Variants in HMMR observed in about 807,000 individuals in gnomAD.
HMMR encodes the protein hyaluronan mediated motility receptor, also known as intracellular hyaluronic acid-binding protein.
In HMMR, 108 loss-of-function variants were observed where a neutral mutation model predicts 101.0. The ratio of observed to expected loss-of-function variants is 1.07; its 90% CI spans 0.92 to 1.25. The LOEUF (loss-of-function observed/expected upper bound fraction) is 1.25. HMMR is among the 50% of genes most tolerant of loss of function. The pLI is 0.00. For missense variants in HMMR, 813 were observed against 788.7 expected, an observed-to-expected ratio of 1.03 and a Z score of -0.37; for synonymous variants, 296 against 276.4, an observed-to-expected ratio of 1.07 and a Z score of -0.70.
intron 16 of HMMR, among the ~76,000 whole-genome samples, chr5:163,488,897 C>G (rs1759578903): frequency 6.6e-6 from 1 of 152,178 alleles, no homozygotes; most frequent in South Asian, 2.1e-4. Context: ...ACTAACTAGC[C>G]TACTGTTCAG....
At chr5:163,463,415 C>CA (rs1758601881) in intron 1 of HMMR, among the ~76,000 whole-genome samples, 1 of 152,122 alleles carries the variant, frequency 6.6e-6, no homozygotes, top group Non-Finnish European at 1.5e-5. Flanking sequence ...TGATATTAGC[C>CA]AGAGATGGAT....
At chr5:163,466,297 C>G (rs1011661047) in intron 3 of HMMR, among the ~76,000 whole-genome samples, 4 of 151,934 alleles carry the variant, frequency 2.6e-5, no homozygotes, top group Non-Finnish European at 4.4e-5. Flanking sequence ...AAAAGTTGTA[C>G]AAATTAATAG....
chr5:163,490,491 T>C lies in HMMR; in HGVS notation c.2064T>C (p.Pro688=). 6.2e-7 allele frequency: 1 copy of C among 1,604,390 alleles called. No individual in the cohort carries two copies. Among genetic ancestry groups the C allele is most frequent in the East Asian group, 2.2e-5 (1 of 44,772 alleles). ...NKVLGIKHFD[P]SKAFHHESKE... ...TTCTAGGTATCAAACACTTTGATCC[T>C]TCAAAGGCTTTTCATCATGAAAGTA... Residue 688 remains proline (P), a synonymous_variant, in exon 17 of 18, where the codon CCT becomes CCC. Transcript: ENST00000393915.
intron 1 of HMMR, among the ~76,000 whole-genome samples, chr5:163,462,939 T>C (rs1758586927): frequency 6.6e-6 from 1 of 152,124 alleles, no homozygotes. Context: ...CTCTTCCTAT[T>C]TATTTGCATG....
chr5:163,471,099 ATAGG>A (rs1356968970), intron 5 of HMMR, 82 bp from the exon 6 acceptor site: 2 of 799,136 alleles, frequency 2.5e-6, no homozygotes, highest in Non-Finnish European at 4.1e-6. Flanking sequence ...AACCCCAGTG[ATAGG>A]TAGAAAAATC....
rs1322600703 is a variant in HMMR, at chr5:163,465,947, C to A, written c.225+1145C>A. ...CTGTACTCCAGCCTGGGCAACAGAG[C>A]GAGACTCAGTCTCTCCAAAAAAAAA... On this transcript the variant is annotated intron_variant, in intron 3 of 17. Transcript: ENST00000393915. Among the ~76,000 whole-genome samples the A allele has an allele frequency of 3.6e-5, 5 of 140,572 alleles. No individual in the cohort carries two copies. In the Admixed American group the frequency reaches 3.6e-4, roughly 10 times the overall value. 92.2% of individuals were successfully genotyped at this position (140,572 alleles called of 152,430 possible).
intron 11 of HMMR, among the ~76,000 whole-genome samples, chr5:163,477,524 G>A (rs995153076): frequency 6.6e-6 from 1 of 152,032 alleles, no homozygotes; most frequent in African/African-American, 2.4e-5. Flanking sequence ...TTGTAATTAG[G>A]GGTGTTGTTC....
chr5:163,482,526 A>C (rs1442349149), intron 12 of HMMR, 116 bp from the exon 13 acceptor site: 26 of 703,078 alleles, frequency 3.7e-5, no homozygotes, highest in Admixed American at 8.4e-5. Flanking sequence ...AAATGCATGA[A>C]TACATTAAAA....
At chr5:163,467,049 T>G (rs141622801) in intron 3 of HMMR, among the ~76,000 whole-genome samples, 36 of 152,142 alleles carry the variant, frequency 2.4e-4, no homozygotes, top group African/African-American at 8.4e-4. Context: ...AGTGTGAAAT[T>G]AATAAACATG....
intron 5 of HMMR, among the ~76,000 whole-genome samples, chr5:163,470,299 G>A (rs1330193500): frequency 6.6e-6 from 1 of 152,200 alleles, no homozygotes; most frequent in Admixed American, 6.5e-5. Flanking sequence ...GCATATAGAG[G>A]TAAGTGACCA....
rs1444015567 is a variant in HMMR, at chr5:163,491,211, T to C, written c.*47T>C. 1 of 1,051,584 alleles carries C rather than the reference T, an allele frequency of 9.5e-7. No homozygotes were observed. Among genetic ancestry groups the C allele is most frequent in the Non-Finnish European group, 1.4e-6 (1 of 708,680 alleles). The allele number at this position is 1,051,584 out of a possible 1,614,324, so 65.1% of individuals were successfully genotyped here. On this transcript the variant is annotated 3_prime_UTR_variant, in exon 18 of 18. Transcript: ENST00000393915. ...GATTATTTCATTCGTCTTGTTGTTATTGATGTTGCTGTTATTATATTTGAC... is the reference window on the plus strand; with the variant it reads ...GATTATTTCATTCGTCTTGTTGTTACTGATGTTGCTGTTATTATATTTGAC...
Position 163,491,445 on chromosome 5 carries a change from T to C in HMMR, c.*281T>C. 7.7e-6 allele frequency: 2 copies of C among 260,778 alleles called. No homozygotes were observed. Among genetic ancestry groups the C allele is most frequent in the Middle Eastern group, 1.1e-3 (1 of 884 alleles). The allele number at this position is 260,778 out of a possible 1,614,324, so 16.2% of individuals were successfully genotyped here. A position where few individuals can be genotyped will look rare whatever the true frequency, so the allele number is the denominator to read the frequency against. On this transcript the variant is annotated 3_prime_UTR_variant, in exon 18 of 18. Transcript: ENST00000393915. ...ATCAACTTAAAAGTCAGTATCATAT[T>C]ATTATCCTCCTGTTCTGAAACCTTA... is the stretch of plus-strand genomic sequence containing the variant.
chr5:163,470,648 A>G (rs576242610), intron 5 of HMMR, among the ~76,000 whole-genome samples: 2 of 152,292 alleles, frequency 1.3e-5, no homozygotes, highest in African/African-American at 4.8e-5. Flanking sequence ...TCTGTCTTAC[A>G]AAAATAAAAT....
chr5:163,468,381 C>G (rs572259743), intron 4 of HMMR, among the ~76,000 whole-genome samples: 1 of 152,314 alleles, frequency 6.6e-6, no homozygotes, highest in South Asian at 2.1e-4. Context: ...ACAGAAATTT[C>G]TATTGAACAG....
At position 163,477,151 on chromosome 5, in the gene HMMR, A is replaced by T. The variant is rs116596923; in HGVS notation, c.1268+1479A>T. Among the ~76,000 whole-genome samples the T allele has an allele frequency of 3.5e-3, 527 of 152,230 alleles. 3 individuals carry two copies. The highest frequency in any genetic ancestry group is 0.012 in the African/African-American group (502 of 41,532). On this transcript the variant is annotated intron_variant, in intron 11 of 17. Transcript: ENST00000393915. Reference sequence around the variant, plus strand: ...TATTTCATTTTGTTTTGTTTTGTCCATAGTAATTGCTAATTTTTTATTTAT... The same window carrying T: ...TATTTCATTTTGTTTTGTTTTGTCCTTAGTAATTGCTAATTTTTTATTTAT...
In HMMR at chr5:163,491,313, T is replaced by A; in HGVS notation, c.*149T>A. On this transcript the variant is annotated 3_prime_UTR_variant, in exon 18 of 18. Transcript: ENST00000393915. The stretch of plus-strand genomic sequence containing the variant: ...GTGAAAGGAACATTTTTTACCAAAG[T>A]GTCTTTTGACATTTTATTTTTTCTT... The A allele has an allele frequency of 1.9e-6, 1 of 522,652 alleles. No homozygotes were observed. The highest frequency in any genetic ancestry group is 3.4e-6 in the Non-Finnish European group (1 of 297,656). The allele number at this position is 522,652 out of a possible 1,614,324, so 32.4% of individuals were successfully genotyped here.
Position 163,482,762 on chromosome 5 carries a change from T to G in HMMR, c.1506T>G (p.Thr502=). 1 of 1,613,948 alleles carries G rather than the reference T, an allele frequency of 6.2e-7. No homozygotes were observed. The highest frequency in any genetic ancestry group is 2.2e-5 in the East Asian group (1 of 44,852). The change falls in exon 13 of 18, where the codon ACT becomes ACG. Residue 502 remains threonine, a synonymous_variant. Coordinates refer to ENST00000393915, the MANE Select transcript of HMMR (RefSeq NM_001142556.2). ...ATGTTCAGCATCAGATTTTGGCAACTGAGAGCTCAAATCAAGAATATGTAA... is the reference window on the plus strand; with the variant it reads ...ATGTTCAGCATCAGATTTTGGCAACGGAGAGCTCAAATCAAGAATATGTAA... The part of the protein sequence containing the change: ...AEDVQHQILA[T]ESSNQEYVRM...
intron 5 of HMMR, among the ~76,000 whole-genome samples, chr5:163,470,066 G>T (rs1758833756): frequency 6.6e-6 from 1 of 152,116 alleles, no homozygotes; most frequent in South Asian, 2.1e-4. Context: ...TACTCGGGAG[G>T]CTGAGGCAGA....
intron 12 of HMMR, among the ~76,000 whole-genome samples, chr5:163,481,261 A>AT (rs1404631262): frequency 1.3e-5 from 2 of 151,518 alleles, no homozygotes; most frequent in African/African-American, 4.8e-5. Flanking sequence ...TTTATTTATA[A>AT]TTTTTATTGT....
Sources: allele counts gnomAD v4.1 joint callset (sites outside exome capture counted in the v4.1 genomes callset), GRCh38; gene constraint gnomAD v4.1.1; transcripts MANE v1.5; gene names NCBI Gene and HGNC (gene_info 2026-07-23, HGNC 2026-07-21).